ACOT11: variants seen among roughly 807,000 people sequenced by gnomAD.
ACOT11 encodes the protein acyl-CoA thioesterase 11.
Under a neutral mutation model 77.5 loss-of-function variants are expected in ACOT11, and 69 were observed. The observed-to-expected ratio is 0.89, with a 90% confidence interval of 0.73 to 1.09. The LOEUF is 1.09. Among genes scored for constraint, ACOT11 ranks in the 50% least tolerant of loss-of-function variants. The pLI is 0.00. For synonymous variants in ACOT11, 279 were observed against 313.0 expected, an observed-to-expected ratio of 0.89 and a Z score of 1.15; for missense variants, 766 against 813.7, an observed-to-expected ratio of 0.94 and a Z score of 0.71.
At chr1:54,597,453 TCTC>T (rs757705395) in intron 7 of ACOT11, 38 bp downstream of exon 7, 84 of 1,563,030 alleles carry the variant, frequency 5.4e-5, no homozygotes, top group South Asian at 1.9e-4. Flanking sequence ...TCCCCTCCTT[TCTC>T]CTCCTCCTCC....
Position 54,605,158 on chromosome 1 carries a change from T to G in ACOT11, c.1319T>G (p.Phe440Cys). 6.2e-7 allele frequency: 1 copy of G among 1,613,946 alleles called. No individual in the cohort carries two copies. ...GTGCATGTGGATGCAGCCCAGGCCTTCCTGCTGCTCTCGGACCTGCGTCAG... is the reference window on the plus strand; with the variant it reads ...GTGCATGTGGATGCAGCCCAGGCCTGCCTGCTGCTCTCGGACCTGCGTCAG... The part of the protein sequence containing the change: ...MVVHVDAAQA[F>C]LLLSDLRQRP... The change falls in exon 13 of 16, where the codon TTC (phenylalanine) becomes TGC (cysteine). Residue 440 changes from phenylalanine to cysteine, a missense_variant. Phe to Cys is a radical substitution (Grantham distance 205, BLOSUM62 -2). Coordinates refer to ENST00000343744, the MANE Select transcript of ACOT11 (RefSeq NM_147161.4).
rs538341420 is a variant in ACOT11 at position 54,578,304 on chromosome 1, G to A, written c.34-6351G>A. 1.2e-4 allele frequency among the ~76,000 whole-genome samples: 18 copies of A among 152,300 alleles called. 1 individual carries two copies. The South Asian group carries it at 3.5e-3, about 30-fold the overall frequency. On this transcript the variant is annotated intron_variant, in intron 1 of 15. Transcript: ENST00000343744. ...CTCTCTCCATGCAATGTTGGAATGA[G>A]TGTCTCCAGTCTCTTATTGCTGATG...
chr1:54,608,971 C>T lies in ACOT11; in HGVS notation c.1644C>T (p.Asn548=), dbSNP rs759608676. 10 of 1,613,760 alleles carry T rather than the reference C, an allele frequency of 6.2e-6. No individual in the cohort carries two copies. The highest frequency in any genetic ancestry group is 3.3e-5 in the Admixed American group (2 of 59,994). Residue 548 remains asparagine, a synonymous_variant, in exon 16 of 16, where the codon AAC becomes AAT. Transcript: ENST00000343744. ...CCACCCTGCAGGTATCCTACTACAACCAGGCCACCCCAGGTGTTCTCAACT... is the reference window on the plus strand; with the variant it reads ...CCACCCTGCAGGTATCCTACTACAATCAGGCCACCCCAGGTGTTCTCAACT... ...GDQLTKVSYY[N]QATPGVLNYV...
Position 54,607,958 on chromosome 1 carries a change from GCGCTGAGGTCGGTCA to G in ACOT11, c.1525_1539del (p.Arg509_Leu513del), listed in dbSNP as rs1644049379. Reference sequence around the variant, plus strand: ...TTCACTCAGGGACCCCTATGTCATCGCGCTGAGGTCGGTCACGCTGCCCACACACCGAGAGACGCC... The same window carrying G: ...TTCACTCAGGGACCCCTATGTCATCGCGCTGCCCACACACCGAGAGACGCC... On this transcript the variant is annotated inframe_deletion, in exon 15 of 16. Coordinates refer to ENST00000343744, the MANE Select transcript of ACOT11 (RefSeq NM_147161.4). This position sits in a 1 kb window ranked among gnomAD's most constrained non-coding sequence, Gnocchi z 4.5. 6.2e-7 allele frequency: 1 copy of G among 1,613,584 alleles called. No homozygotes were observed. The highest frequency in any genetic ancestry group is 1.3e-5 in the African/African-American group (1 of 74,788).
downstream of ACOT11, among the ~76,000 whole-genome samples, chr1:54,615,192 AG>A (rs1188403980): frequency 6.6e-6 from 1 of 152,166 alleles, no homozygotes; most frequent in Non-Finnish European, 1.5e-5. Flanking sequence ...TGAGCAGGGC[AG>A]ACTCAGAGGG....
chr1:54,562,246 G>C (rs1358320037), intron 1 of ACOT11, among the ~76,000 whole-genome samples: 1 of 117,090 alleles, frequency 8.5e-6, no homozygotes, highest in Non-Finnish European at 1.7e-5. Flanking sequence ...CTCCCGGACG[G>C]GGCGGCTGGC....
intron 3 of ACOT11, among the ~76,000 whole-genome samples, chr1:54,586,725 C>T (rs1439095473): frequency 6.6e-6 from 1 of 152,154 alleles, no homozygotes; most frequent in African/African-American, 2.4e-5. Flanking sequence ...TGAGCCACCA[C>T]ACCTGGCCTT....
intron 1 of ACOT11, among the ~76,000 whole-genome samples, chr1:54,548,891 T>C (rs966838674): frequency 6.6e-6 from 1 of 152,104 alleles, no homozygotes; most frequent in Non-Finnish European, 1.5e-5. Flanking sequence ...AGAGAACTTT[T>C]CCCTGCGCTT....
At chr1:54,571,082 T>TG (rs1402158186) in intron 1 of ACOT11, among the ~76,000 whole-genome samples, 1 of 151,964 alleles carries the variant, frequency 6.6e-6, no homozygotes, top group Non-Finnish European at 1.5e-5. Flanking sequence ...TTTTTTTTTT[T>TG]TTTTTAAAGA....
intron 15 of ACOT11, among the ~76,000 whole-genome samples, chr1:54,625,950 A>AAAG (rs1553166703): frequency 2.0e-4 from 30 of 148,330 alleles, no homozygotes; most frequent in Non-Finnish European, 8.9e-5. Context: ...AAAAAAAAAA[A>AAAG]AAAGAAAGAA....
At position 54,597,299 on chromosome 1, in the gene ACOT11, G is replaced by C; in HGVS notation, c.648G>C (p.Glu216Asp). The change falls in exon 7 of 16, where the codon GAG becomes GAC. Residue 216 changes from glutamate (E) to aspartate (D), a missense_variant. Glu to Asp is a conservative substitution (Grantham distance 45, BLOSUM62 2). Coordinates refer to ENST00000343744, the MANE Select transcript of ACOT11 (RefSeq NM_147161.4). ...SRDCSRMVPA[E>D]KTRVESVELV... Reference sequence around the variant, plus strand: ...ACTGTAGCCGCATGGTGCCGGCTGAGAAGACCCGTGTGGAGAGTGTGGAGC... The same window carrying C: ...ACTGTAGCCGCATGGTGCCGGCTGACAAGACCCGTGTGGAGAGTGTGGAGC... The C allele has an allele frequency of 3.1e-6, 5 of 1,613,758 alleles. No homozygotes were observed. Among genetic ancestry groups the C allele is most frequent in the Non-Finnish European group, 4.2e-6 (5 of 1,180,028 alleles).
chr1:54,635,905 G>T (rs1479096887), exon 17 of ACOT11: 1 of 152,386 alleles, frequency 6.6e-6, no homozygotes, highest in African/African-American at 2.4e-5. Flanking sequence ...AAGGTTGTGG[G>T]TTTATGGGAA....
In ACOT11 at chr1:54,606,627, G is replaced by A. The variant is rs897831329; in HGVS notation, c.1371-507G>A. 6.6e-5 allele frequency among the ~76,000 whole-genome samples: 10 copies of A among 152,222 alleles called. No homozygotes were observed. The East Asian group carries it at 1.9e-3, about 29-fold the overall frequency. ...GGTTATCTTCCTCATCTATGAGATA[G>A]GAATACTAAAAGCGTCTACAGCATG... On this transcript the variant is annotated intron_variant, in intron 13 of 15. Transcript: ENST00000343744.
intron 8 of ACOT11, among the ~76,000 whole-genome samples, chr1:54,600,375 T>C (rs1367809009): frequency 1.3e-5 from 2 of 152,188 alleles, no homozygotes; most frequent in Non-Finnish European, 2.9e-5. Flanking sequence ...GTGGCTGCTA[T>C]TTTATAATTA....
intron 11 of ACOT11, 134 bp downstream of exon 11, chr1:54,604,071 A>T: frequency 1.2e-6 from 1 of 847,734 alleles, no homozygotes; most frequent in Non-Finnish European, 1.9e-6. Flanking sequence ...TGCTACCATT[A>T]GCAAAGAGCT....
At chr1:54,614,338 C>A (rs1217244047), downstream of ACOT11, among the ~76,000 whole-genome samples, 1 of 152,146 alleles carries the variant, frequency 6.6e-6, no homozygotes, top group African/African-American at 2.4e-5. Context: ...GGGCACTTGG[C>A]CCTGTCTGCC....
chr1:54,563,575 C>T (rs1316892779), intron 1 of ACOT11, among the ~76,000 whole-genome samples: 2 of 152,250 alleles, frequency 1.3e-5, no homozygotes, highest in Non-Finnish European at 2.9e-5. Context: ...GAGATGTGGC[C>T]CCTGTCTTCA....
rs56229276 is a variant in ACOT11, at chr1:54,617,709, A to ATTTT, written c.1629+9673_1629+9676dup. 8.8e-3 allele frequency among the ~76,000 whole-genome samples: 491 copies of ATTTT among 55,764 alleles called. 104 individuals are homozygous for ATTTT. The highest frequency in any genetic ancestry group is 0.012 in the Non-Finnish European group (380 of 32,908). The allele number at this position is 55,764 out of a possible 152,430, so 36.6% of individuals were successfully genotyped here. On this transcript the variant is annotated intron_variant, in intron 15 of 16. Transcript: ENST00000371316. ...CACTAGGTCTGCAGCAGGGCCTGAGATTTTTTTTTTTTTTTTTTTTTTTTT... is the reference window on the plus strand; with the variant it reads ...CACTAGGTCTGCAGCAGGGCCTGAGATTTTTTTTTTTTTTTTTTTTTTTTTTTTT...
At chr1:54,593,640 T>C (rs1654791973) in intron 4 of ACOT11, among the ~76,000 whole-genome samples, 1 of 152,114 alleles carries the variant, frequency 6.6e-6, no homozygotes. Context: ...AGCCCTGTTG[T>C]AGACATAGTC....
Sources: gnomAD v4.1 joint callset for allele counts (sites outside exome capture counted in the v4.1 genomes callset) on GRCh38, gnomAD v4.1.1 for gene constraint, Gnocchi (gnomAD v3.1) non-coding constraint, MANE v1.5 for transcripts, NCBI Gene and HGNC (gene_info 2026-07-23, HGNC 2026-07-21) for gene names.